POU2F3: variants seen among roughly 807,000 people sequenced by gnomAD.
POU2F3 encodes the protein POU domain, class 2, transcription factor 3.
Under a neutral mutation model 59.2 loss-of-function variants are expected in POU2F3, and 23 were observed. That is an observed-to-expected ratio of 0.39 (90% CI 0.28 to 0.55). The LOEUF is 0.55. Among genes scored for constraint, POU2F3 ranks in the 20% least tolerant of loss-of-function variants. The probability of loss-of-function intolerance (pLI) is 0.66; values close to 1 mark genes in which losing one functional copy is unlikely to be tolerated. For synonymous variants in POU2F3, 190 were observed against 214.6 expected, an observed-to-expected ratio of 0.89 and a Z score of 1.00; for missense variants, 473 against 544.5, an observed-to-expected ratio of 0.87 and a Z score of 1.31.
intron 2 of POU2F3, among the ~76,000 whole-genome samples, chr11:120,263,324 C>G (rs1330895387): frequency 1.3e-5 from 2 of 152,170 alleles, no homozygotes; most frequent in African/African-American, 4.8e-5. Flanking sequence ...TACAGTTCCA[C>G]CTCCCCATCT....
In POU2F3 at chr11:120,303,892, G is replaced by A. The variant is rs546690798; in HGVS notation, c.445-1138G>A. 3 of 152,280 alleles carry A rather than the reference G, an allele frequency of 2.0e-5. No homozygotes were observed. The South Asian group carries it at 6.2e-4, about 32-fold the overall frequency. The allele number at this position is 152,280 out of a possible 1,614,324, so 9.4% of individuals were successfully genotyped here. On this transcript the variant is annotated intron_variant, in intron 6 of 12. Transcript: ENST00000543440. The stretch of plus-strand genomic sequence containing the variant: ...GTGGATTTAGCCCTTTGAGCTAGCT[G>A]GCCACAGTGCCTGGACCCCTAGGCC...
At chr11:120,249,587 T>C (rs745842295) in intron 2 of POU2F3, among the ~76,000 whole-genome samples, 1 of 152,164 alleles carries the variant, frequency 6.6e-6, no homozygotes, top group African/African-American at 2.4e-5. Flanking sequence ...GCCTTACCCA[T>C]ATTTCAAAAG....
At chr11:120,251,554 C>T (rs1939101087) in intron 2 of POU2F3, among the ~76,000 whole-genome samples, 1 of 152,152 alleles carries the variant, frequency 6.6e-6, no homozygotes, top group South Asian at 2.1e-4. Context: ...TCTGTACTGG[C>T]TCCATCCCTC....
chr11:120,307,678 G>A (rs1004924196), intron 9 of POU2F3, 63 bp downstream of exon 9: 11 of 1,595,024 alleles, frequency 6.9e-6, no homozygotes, highest in East Asian at 2.2e-5. Context: ...GAGCAGACAC[G>A]GCCCAGGCCC....
In POU2F3 at chr11:120,305,379, T is replaced by A. The variant is rs562241053; in HGVS notation, c.627+167T>A. ...GCACAGTTGCCATTGGTAGGGAAAC[T>A]GAGGACGTTGCTGGTGGAGGAGAAT... On this transcript the variant is annotated intron_variant, in intron 7 of 12. Transcript: ENST00000543440. 22 of 930,424 alleles carry A rather than the reference T, an allele frequency of 2.4e-5. No homozygotes were observed. The African/African-American group carries it at 3.7e-4, about 15-fold the overall frequency. The allele number at this position is 930,424 out of a possible 1,614,324, so 57.6% of individuals were successfully genotyped here.
intron 2 of POU2F3, among the ~76,000 whole-genome samples, chr11:120,268,267 C>T (rs1219555603): frequency 2.0e-5 from 3 of 152,092 alleles, no homozygotes; most frequent in Non-Finnish European, 2.9e-5. Flanking sequence ...GACGTCCTCT[C>T]GGTAGGGTGA....
rs1162220783 is a variant in POU2F3, at chr11:120,308,632, A to C, written c.907-793A>C. 2.0e-5 allele frequency among the ~76,000 whole-genome samples: 3 copies of C among 152,146 alleles called. No individual in the cohort carries two copies. In the East Asian group the frequency reaches 5.8e-4, roughly 29 times the overall value. On this transcript the variant is annotated intron_variant, in intron 9 of 12. Transcript: ENST00000543440. ...TTCTCATTTTCTGCTTTGAGACAGGAGGACAGGAAGAAATGACAAGGCAGG... is the reference window on the plus strand; with the variant it reads ...TTCTCATTTTCTGCTTTGAGACAGGCGGACAGGAAGAAATGACAAGGCAGG...
At chr11:120,302,434 G>T in intron 6 of POU2F3, 66 bp downstream of exon 6, 1 of 1,464,882 alleles carries the variant, frequency 6.8e-7, no homozygotes, top group Non-Finnish European at 9.5e-7. Flanking sequence ...TTAACTCACT[G>T]GTTTCCCCCT....
chr11:120,257,636 G>A (rs1939399592), intron 2 of POU2F3, among the ~76,000 whole-genome samples: 1 of 152,116 alleles, frequency 6.6e-6, no homozygotes. Context: ...GACCCTGGCA[G>A]CGTCACACCA....
chr11:120,248,170 A>G (rs1362913999), intron 2 of POU2F3, among the ~76,000 whole-genome samples: 1 of 152,190 alleles, frequency 6.6e-6, no homozygotes, highest in East Asian at 1.9e-4. Context: ...ATTGGCTAAG[A>G]CCTTCAGAAT....
intron 9 of POU2F3, among the ~76,000 whole-genome samples, chr11:120,308,847 G>A (rs1034681403): frequency 7.0e-6 from 1 of 142,486 alleles, no homozygotes; most frequent in Non-Finnish European, 1.5e-5. Flanking sequence ...CTGAAGCAGA[G>A]AGAATTGCTT....
At chr11:120,269,370 C>A (rs1328355813) in intron 3 of POU2F3, 126 bp downstream of exon 3, 1 of 787,734 alleles carries the variant, frequency 1.3e-6, no homozygotes, top group African/African-American at 1.8e-5. Context: ...CCCAACCTTT[C>A]AGGATCAAAG....
chr11:120,296,757 A>G (rs562738206), intron 3 of POU2F3, among the ~76,000 whole-genome samples: 132 of 152,300 alleles, frequency 8.7e-4, no homozygotes, highest in African/African-American at 3.0e-3. Flanking sequence ...ATAGTATTCC[A>G]TGGTGTATAT....
In POU2F3 at chr11:120,274,108, A is replaced by AAAGGAAGGAAGGAAGGAAGG. The variant is rs58202053; in HGVS notation, c.132+4895_132+4914dup. ...GAAAGAAAGGAAGGAAGGAAGGAAG[A>AAAGGAAGGAAGGAAGGAAGG]AAGGAAGGAAGGAAGGAAGGAAGGA... On this transcript the variant is annotated intron_variant, in intron 3 of 12. Transcript: ENST00000543440. Among the ~76,000 whole-genome samples, 381 of 116,200 alleles carry AAAGGAAGGAAGGAAGGAAGG rather than the reference A, an allele frequency of 3.3e-3. 5 individuals are homozygous for AAAGGAAGGAAGGAAGGAAGG. Among genetic ancestry groups the AAAGGAAGGAAGGAAGGAAGG allele is most frequent in the Non-Finnish European group, 4.0e-3 (222 of 55,592 alleles). The allele number at this position is 116,200 out of a possible 152,430, so 76.2% of individuals were successfully genotyped here.
At chr11:120,297,597 G>A (rs1356774112) in intron 3 of POU2F3, among the ~76,000 whole-genome samples, 1 of 152,202 alleles carries the variant, frequency 6.6e-6, no homozygotes, top group Non-Finnish European at 1.5e-5. Flanking sequence ...AGATTCCATT[G>A]AGGAAAATAA....
chr11:120,261,472 G>T (rs1037235116), intron 2 of POU2F3, among the ~76,000 whole-genome samples: 2 of 152,140 alleles, frequency 1.3e-5, no homozygotes, highest in Non-Finnish European at 2.9e-5. Flanking sequence ...ATTCCCAGGG[G>T]TCCATGAGAA....
intron 1 of POU2F3, among the ~76,000 whole-genome samples, chr11:120,246,156 A>G (rs1242864110): frequency 6.6e-6 from 1 of 152,142 alleles, no homozygotes; most frequent in Non-Finnish European, 1.5e-5. Flanking sequence ...TTACCAACTG[A>G]GTCCTGGTGA....
chr11:120,238,330 G>C (rs1938551532), upstream of POU2F3, among the ~76,000 whole-genome samples: 1 of 152,148 alleles, frequency 6.6e-6, no homozygotes, highest in South Asian at 2.1e-4. Context: ...TGACTGGGGA[G>C]GGTGGTGTAT....
At chr11:120,304,974 A>T (rs1941444978) in intron 6 of POU2F3, 56 bp from the exon 7 acceptor site, 1 of 944,846 alleles carries the variant, frequency 1.1e-6, no homozygotes, top group Non-Finnish European at 1.5e-6. Context: ...AAAAAAAATC[A>T]GAAAATGTTA....
Sources: gnomAD v4.1 joint callset for allele counts (sites outside exome capture counted in the v4.1 genomes callset) on GRCh38, gnomAD v4.1.1 for gene constraint, MANE v1.5 for transcripts, NCBI Gene and HGNC (gene_info 2026-07-23, HGNC 2026-07-21) for gene names.